Variants in NBAS observed in about 807,000 individuals in gnomAD.
The protein encoded by NBAS is NAG/BC035112 fusion.
NBAS carries 219 observed loss-of-function variants against 302.5 expected under a neutral mutation model. The observed-to-expected ratio is 0.72, with a 90% confidence interval of 0.65 to 0.81. The LOEUF is 0.81. Ranked by LOEUF, NBAS falls within the 30% of genes least tolerant of loss-of-function variation. NBAS has a pLI of 0.00. For missense variants in NBAS, 2,932 were observed against 2,841.6 expected, an observed-to-expected ratio of 1.03 and a Z score of -0.72; for synonymous variants, 1,118 against 1,021.6, an observed-to-expected ratio of 1.09 and a Z score of -1.80.
At chr2:15,303,954 G>T (rs1670920570) in intron 40 of NBAS, among the ~76,000 whole-genome samples, 2 of 152,280 alleles carry the variant, frequency 1.3e-5, no homozygotes, top group South Asian at 4.1e-4. Context: ...AGAGCAAGCA[G>T]CAAGGTCTTG....
At position 15,417,850 on chromosome 2, in the gene NBAS, T is replaced by C. The variant is rs577142347; in HGVS notation, c.2578-138A>G. The C allele has an allele frequency of 7.4e-6, 6 of 805,874 alleles. No individual in the cohort carries two copies. In the African/African-American group the frequency reaches 1.0e-4, roughly 14 times the overall value. 49.9% of individuals were successfully genotyped at this position (805,874 alleles called of 1,614,324 possible). ...CATTACCAGTAACATACGTTTTTTA[T>C]TTACTGCAAAAACATCAGAGTCCTT... On this transcript the variant is annotated intron_variant, in intron 23 of 51. Coordinates refer to ENST00000281513, the MANE Select transcript of NBAS (RefSeq NM_015909.4).
chr2:14,855,096 AG>A, the NBAS span, among the ~76,000 whole-genome samples: 1 of 152,064 alleles, frequency 6.6e-6, no homozygotes, highest in African/African-American at 2.4e-5. Context: ...ACAGCATGAT[AG>A]GGCACTGGTC....
chr2:14,959,141 G>T, the NBAS span, among the ~76,000 whole-genome samples: 3 of 152,182 alleles, frequency 2.0e-5, no homozygotes, highest in Admixed American at 2.0e-4. Flanking sequence ...AGTTGGTTTG[G>T]TGATCTTGCA....
At chr2:14,780,718 T>A in the NBAS span, among the ~76,000 whole-genome samples, 1 of 152,216 alleles carries the variant, frequency 6.6e-6, no homozygotes, top group African/African-American at 2.4e-5. Context: ...TCACCCCAAA[T>A]AACTTAGGGA....
At chr2:15,046,191 TG>T in the NBAS span, among the ~76,000 whole-genome samples, 1 of 152,200 alleles carries the variant, frequency 6.6e-6, no homozygotes, top group South Asian at 2.1e-4. Flanking sequence ...ATTGCAAAGG[TG>T]GCAGTAATAC....
the NBAS span, among the ~76,000 whole-genome samples, chr2:14,802,340 C>T: frequency 2.1e-4 from 31 of 149,920 alleles, no homozygotes; most frequent in East Asian, 4.7e-3. Flanking sequence ...TGTAGGTATG[C>T]GGCATTATTT....
chr2:14,894,924 G>A, the NBAS span, among the ~76,000 whole-genome samples: 1 of 152,100 alleles, frequency 6.6e-6, no homozygotes. Flanking sequence ...TGGGCGTGGT[G>A]AAGCGCCTAT....
At chr2:15,213,639 T>C (rs552911794) in intron 48 of NBAS, among the ~76,000 whole-genome samples, 1 of 152,316 alleles carries the variant, frequency 6.6e-6, no homozygotes, top group South Asian at 2.1e-4. Flanking sequence ...TCACCTTAAA[T>C]TGGTCATGTG....
At chr2:15,498,192 T>C (rs1270019542) in intron 11 of NBAS, among the ~76,000 whole-genome samples, 1 of 152,172 alleles carries the variant, frequency 6.6e-6, no homozygotes, top group African/African-American at 2.4e-5. Flanking sequence ...GGAGGGCCCA[T>C]AAAAGAATAT....
At chr2:15,475,619 A>C (rs186643182) in intron 14 of NBAS, 68 bp downstream of exon 14, 5 of 1,428,094 alleles carry the variant, frequency 3.5e-6, no homozygotes, top group Non-Finnish European at 4.9e-6. Context: ...CAACTCAAAT[A>C]AAAACCAGAT....
At chr2:15,313,476 C>A (rs1254090536) in intron 38 of NBAS, among the ~76,000 whole-genome samples, 1 of 152,042 alleles carries the variant, frequency 6.6e-6, no homozygotes, top group African/African-American at 2.4e-5. Context: ...AACAGAAGAC[C>A]CAAAATAAAA....
the NBAS span, among the ~76,000 whole-genome samples, chr2:15,156,902 T>A: frequency 3.3e-5 from 5 of 152,198 alleles, no homozygotes; most frequent in Admixed American, 1.3e-4. Context: ...AGGTTCTTAC[T>A]CAGTGTTTCT....
chr2:15,186,892 G>A lies in NBAS; in HGVS notation c.6573-12C>T, dbSNP rs369988003. ...GATTATTGGTTATGCTGGTGTTTATGGAGAAAAATACAAGGCACTGGAAAT... is the reference window on the plus strand; with the variant it reads ...GATTATTGGTTATGCTGGTGTTTATAGAGAAAAATACAAGGCACTGGAAAT... On this transcript the variant is annotated splice_polypyrimidine_tract_variant and intron_variant, in intron 49 of 51. Coordinates refer to ENST00000281513, the MANE Select transcript of NBAS (RefSeq NM_015909.4). The A allele has an allele frequency of 9.3e-6, 15 of 1,613,810 alleles. No homozygotes were observed. The highest frequency in any genetic ancestry group is 1.3e-5 in the African/African-American group (1 of 74,996).
intron 8 of NBAS, 85 bp from the exon 9 acceptor site, chr2:15,534,726 A>G (rs1663402622): frequency 9.5e-7 from 1 of 1,053,046 alleles, no homozygotes; most frequent in Non-Finnish European, 1.5e-6. Context: ...TTTAGAATTT[A>G]AAAGACAGAC....
chr2:15,555,410 T>C (rs1206184678), intron 3 of NBAS, among the ~76,000 whole-genome samples: 1 of 152,102 alleles, frequency 6.6e-6, no homozygotes, highest in Non-Finnish European at 1.5e-5. Context: ...GATAATTTCC[T>C]CTAGAAGGGA....
At chr2:15,266,784 C>T (rs1449434534) in intron 44 of NBAS, among the ~76,000 whole-genome samples, 4 of 151,938 alleles carry the variant, frequency 2.6e-5, no homozygotes, top group Non-Finnish European at 5.9e-5. Context: ...AGGATTTTAC[C>T]GAGCCTCCTA....
chr2:15,472,102 C>T (rs1444481623), intron 16 of NBAS, among the ~76,000 whole-genome samples: 1 of 152,164 alleles, frequency 6.6e-6, no homozygotes, highest in East Asian at 1.9e-4. Flanking sequence ...TATTGCCTCT[C>T]AGCTCCAAAT....
At chr2:15,099,374 A>G in the NBAS span, among the ~76,000 whole-genome samples, 1 of 152,080 alleles carries the variant, frequency 6.6e-6, no homozygotes, top group Non-Finnish European at 1.5e-5. Flanking sequence ...TTATATTTAT[A>G]TGCTTCTCTC....
intron 35 of NBAS, among the ~76,000 whole-genome samples, chr2:15,343,529 C>T (rs368375300): frequency 6.6e-6 from 1 of 151,978 alleles, no homozygotes; most frequent in Admixed American, 6.6e-5. Flanking sequence ...TTTGTGTGTA[C>T]TAAATGTGAA....
Sources: allele counts gnomAD v4.1 joint callset (sites outside exome capture counted in the v4.1 genomes callset), GRCh38; gene constraint gnomAD v4.1.1; transcripts MANE v1.5; gene names NCBI Gene and HGNC (gene_info 2026-07-23, HGNC 2026-07-21).